Variants in CCDC171 observed in about 807,000 individuals in gnomAD.
CCDC171 encodes coiled-coil domain containing 171.
Under a neutral mutation model 168.2 loss-of-function variants are expected in CCDC171, and 177 were observed. The ratio of observed to expected loss-of-function variants is 1.05; its 90% CI spans 0.93 to 1.19. CCDC171 has a LOEUF of 1.19. CCDC171 is among the 50% of genes most tolerant of loss of function. The pLI is 0.00. For synonymous variants in CCDC171, 687 were observed against 540.8 expected (o/e 1.27, Z -3.75); for missense variants, 1,991 against 1,539.0 (o/e 1.29, Z -4.91).
At chr9:15,987,785 T>C (rs1832042188) in intron 3 of CCDC171, among the ~76,000 whole-genome samples, 1 of 152,246 alleles carries the variant, frequency 6.6e-6, no homozygotes, top group South Asian at 2.1e-4. Context: ...AATATTTGCA[T>C]ATACATAATG....
chr9:15,741,093 A>G (rs533147387), intron 16 of CCDC171, among the ~76,000 whole-genome samples: 2 of 152,136 alleles, frequency 1.3e-5, no homozygotes, highest in South Asian at 4.2e-4. Flanking sequence ...GTTTATCTGT[A>G]TATATTAAGG....
At chr9:15,930,328 A>AT (rs1826362481) in intron 25 of CCDC171, among the ~76,000 whole-genome samples, 1 of 151,532 alleles carries the variant, frequency 6.6e-6, no homozygotes, top group Non-Finnish European at 1.5e-5. Context: ...TAATTTACAT[A>AT]TTCTATATAT....
intron 7 of CCDC171, among the ~76,000 whole-genome samples, chr9:15,626,739 C>A (rs1171685638): frequency 6.6e-6 from 1 of 152,176 alleles, no homozygotes; most frequent in African/African-American, 2.4e-5. Flanking sequence ...AGGATTTTTG[C>A]ATCAATGTTC....
intron 3 of CCDC171, among the ~76,000 whole-genome samples, chr9:15,986,974 A>C (rs572612566): frequency 9.2e-5 from 14 of 152,278 alleles, no homozygotes; most frequent in African/African-American, 3.4e-4. Context: ...GTTTATGCTG[A>C]AATAAACTCC....
rs761080761 is a variant in CCDC171 at position 15,972,589 on chromosome 9, A to G, written c.*753A>G. 2 of 152,226 alleles carry G rather than the reference A, an allele frequency of 1.3e-5. No homozygotes were observed. The highest frequency in any genetic ancestry group is 6.6e-5 in the Admixed American group (1 of 15,260). 9.4% of individuals were successfully genotyped at this position (152,226 alleles called of 1,614,324 possible). A position where few individuals can be genotyped will look rare whatever the true frequency, so the allele number is the denominator to read the frequency against. On this transcript the variant is annotated 3_prime_UTR_variant, in exon 26 of 26. Coordinates refer to ENST00000380701, the MANE Select transcript of CCDC171 (RefSeq NM_173550.4). ...TTTCTGTGGTATGTTTAGGCACTTC[A>G]TAAGGACAGTTCCCACACTAGGATA... is the stretch of plus-strand genomic sequence containing the variant.
At chr9:15,670,446 C>G (rs971201835) in intron 9 of CCDC171, among the ~76,000 whole-genome samples, 12 of 152,104 alleles carry the variant, frequency 7.9e-5, no homozygotes, top group Non-Finnish European at 1.2e-4. Flanking sequence ...CCATTGCTCT[C>G]TACTATCAGT....
chr9:16,017,832 G>A (rs3008712), intron 3 of CCDC171, among the ~76,000 whole-genome samples: 1 of 152,026 alleles, frequency 6.6e-6, no homozygotes, highest in African/African-American at 2.4e-5. Context: ...AGAGGCCTAG[G>A]TTGAGCTTTG....
At chr9:15,791,227 G>C (rs1204998056) in intron 21 of CCDC171, among the ~76,000 whole-genome samples, 1 of 152,162 alleles carries the variant, frequency 6.6e-6, no homozygotes, top group Non-Finnish European at 1.5e-5. Flanking sequence ...TCCTATCCAT[G>C]AGCATGGAAT....
chr9:16,069,633 C>G, the CCDC171 span, among the ~76,000 whole-genome samples: 1 of 152,178 alleles, frequency 6.6e-6, no homozygotes, highest in African/African-American at 2.4e-5. Flanking sequence ...CTTAGCTGTC[C>G]CTTGATCTTC....
At chr9:15,692,415 T>G (rs1402015286) in intron 10 of CCDC171, among the ~76,000 whole-genome samples, 2 of 152,094 alleles carry the variant, frequency 1.3e-5, no homozygotes, top group African/African-American at 4.8e-5. Flanking sequence ...TTATTTACTT[T>G]TTACTCTTTT....
chr9:15,789,926 T>C (rs1401311344), intron 21 of CCDC171, among the ~76,000 whole-genome samples: 1 of 152,168 alleles, frequency 6.6e-6, no homozygotes, highest in African/African-American at 2.4e-5. Context: ...ATAAAGGACA[T>C]GAACTCATCC....
intron 6 of CCDC171, among the ~76,000 whole-genome samples, chr9:15,607,701 G>A (rs1045557827): frequency 1.3e-5 from 2 of 152,088 alleles, no homozygotes; most frequent in African/African-American, 4.8e-5. Flanking sequence ...GAGCTCCAGT[G>A]ATCCACCCGC....
intron 20 of CCDC171, among the ~76,000 whole-genome samples, chr9:15,779,765 T>A: frequency 6.6e-6 from 1 of 152,232 alleles, no homozygotes; most frequent in East Asian, 1.9e-4. Flanking sequence ...CATCAATGAC[T>A]TATATGTATT....
intron 21 of CCDC171, among the ~76,000 whole-genome samples, chr9:15,812,767 G>A (rs1170759706): frequency 4.6e-5 from 7 of 152,176 alleles, no homozygotes; most frequent in Admixed American, 3.3e-4. Flanking sequence ...CATTATTATT[G>A]TGGACCAGTG....
intron 7 of CCDC171, among the ~76,000 whole-genome samples, chr9:15,624,357 A>G (rs2044848855): frequency 6.6e-6 from 1 of 152,158 alleles, no homozygotes; most frequent in East Asian, 1.9e-4. Flanking sequence ...GTACATGTGC[A>G]CAACATTCAG....
chr9:15,645,056 C>T (rs756405890), intron 7 of CCDC171, among the ~76,000 whole-genome samples: 48 of 152,320 alleles, frequency 3.2e-4, no homozygotes, highest in East Asian at 5.8e-4. Context: ...TCCAGAGGAA[C>T]GATCAGGCAG....
At chr9:15,716,822 C>T (rs185722676) in intron 11 of CCDC171, among the ~76,000 whole-genome samples, 15 of 152,234 alleles carry the variant, frequency 9.9e-5, no homozygotes, top group African/African-American at 3.4e-4. Context: ...CCCTCATAAC[C>T]CAGTAACCTC....
Position 15,583,641 on chromosome 9 carries a change from G to C in CCDC171, c.352+4618G>C, listed in dbSNP as rs553316997. On this transcript the variant is annotated intron_variant, in intron 4 of 25. Coordinates refer to ENST00000380701, the MANE Select transcript of CCDC171 (RefSeq NM_173550.4). The stretch of plus-strand genomic sequence containing the variant: ...GGGGACTCTGTGGAAAGGACGGGAT[G>C]GGGGTGAGGGATGAAAGACTACACA... Among the ~76,000 whole-genome samples the C allele has an allele frequency of 3.3e-5, 5 of 152,184 alleles. No homozygotes were observed. The South Asian group carries it at 1.0e-3, about 32-fold the overall frequency.
chr9:15,689,678 T>C (rs2050650919), intron 10 of CCDC171, among the ~76,000 whole-genome samples: 1 of 152,166 alleles, frequency 6.6e-6, no homozygotes, highest in Non-Finnish European at 1.5e-5. Flanking sequence ...ACTACTGCAC[T>C]CTAGCCTGGG....
Sources: gnomAD v4.1 joint callset for allele counts (sites outside exome capture counted in the v4.1 genomes callset) on GRCh38, gnomAD v4.1.1 for gene constraint, MANE v1.5 for transcripts, NCBI Gene and HGNC (gene_info 2026-07-23, HGNC 2026-07-21) for gene names.